Variants in ANKRD17 observed in about 807,000 individuals in gnomAD.
ANKRD17 encodes the protein ankyrin repeat domain-containing protein 17.
Under a neutral mutation model 229.7 loss-of-function variants are expected in ANKRD17, and 19 were observed. The ratio of observed to expected loss-of-function variants is 0.08; its 90% CI spans 0.06 to 0.12. The LOEUF (loss-of-function observed/expected upper bound fraction) is 0.12. Ranked by LOEUF, ANKRD17 falls within the 10% of genes least tolerant of loss-of-function variation. The probability of loss-of-function intolerance (pLI) is 1.00; values close to 1 mark genes in which losing one functional copy is unlikely to be tolerated. For synonymous variants in ANKRD17, 1,112 were observed against 1,146.1 expected (o/e 0.97, Z 0.60); for missense variants, 2,176 against 3,176.8 (o/e 0.68, Z 7.57).
chr4:73,135,094 T>G (rs1728721986), intron 16 of ANKRD17, 23 bp downstream of exon 16: 21 of 1,590,568 alleles, frequency 1.3e-5, no homozygotes, highest in Non-Finnish European at 1.8e-5. Context: ...GAAAAAACCA[T>G]CTCTCTTAAG....
At chr4:73,077,624 C>T (rs919441527) in intron 31 of ANKRD17, 91 bp from the exon 32 acceptor site, 14 of 1,155,412 alleles carry the variant, frequency 1.2e-5, no homozygotes, top group African/African-American at 1.6e-5. Context: ...CACATTGAAC[C>T]GTAAATTATT....
chr4:73,103,792 T>TA (rs1292026114), intron 24 of ANKRD17, among the ~76,000 whole-genome samples: 1 of 151,638 alleles, frequency 6.6e-6, no homozygotes, highest in East Asian at 1.9e-4. Context: ...TTTTGCTAGA[T>TA]ACTCTCTGTC....
chr4:73,138,292 T>C (rs1729165828), intron 15 of ANKRD17, among the ~76,000 whole-genome samples: 1 of 152,180 alleles, frequency 6.6e-6, no homozygotes. Flanking sequence ...TAATTATTAC[T>C]AGCATTTTTC....
At chr4:73,177,357 T>C in intron 2 of ANKRD17, 23 bp downstream of exon 2, 1 of 1,496,426 alleles carries the variant, frequency 6.7e-7, no homozygotes, top group East Asian at 2.3e-5. Flanking sequence ...CAAGGTAGAC[T>C]TATTACTATG....
chr4:73,117,554 T>G (rs1484829464), intron 22 of ANKRD17, among the ~76,000 whole-genome samples: 1 of 152,072 alleles, frequency 6.6e-6, no homozygotes, highest in Admixed American at 6.5e-5. Flanking sequence ...AACAAAAATA[T>G]AGAGAGTCAA....
At position 73,090,542 on chromosome 4, in the gene ANKRD17, G is replaced by T. The variant is rs1722694797; in HGVS notation, c.6961+125C>A. On this transcript the variant is annotated intron_variant, in intron 29 of 33. Coordinates refer to ENST00000358602, the MANE Select transcript of ANKRD17 (RefSeq NM_032217.5). ...ACTAAACACAAACAACAGCATCTGA[G>T]TTAACTAAATCCAACAATCTTTGTC... 4.1e-6 allele frequency: 5 copies of T among 1,214,968 alleles called. No individual in the cohort carries two copies. In the East Asian group the frequency reaches 1.2e-4, roughly 30 times the overall value. 75.3% of individuals were successfully genotyped at this position (1,214,968 alleles called of 1,614,324 possible). A position where few individuals can be genotyped will look rare whatever the true frequency, so the allele number is the denominator to read the frequency against.
At chr4:73,192,752 C>A (rs1184965386) in intron 1 of ANKRD17, among the ~76,000 whole-genome samples, 1 of 152,112 alleles carries the variant, frequency 6.6e-6, no homozygotes, top group Admixed American at 6.5e-5. Flanking sequence ...GTACATGTAA[C>A]TCATCTGAAA....
chr4:73,172,892 A>G (rs1228630916), intron 2 of ANKRD17, among the ~76,000 whole-genome samples: 4 of 152,234 alleles, frequency 2.6e-5, no homozygotes, highest in Admixed American at 2.0e-4. Flanking sequence ...GGAAGGAAAG[A>G]AGGAAGTTAA....
At chr4:73,169,672 A>C (rs1180670238) in intron 2 of ANKRD17, among the ~76,000 whole-genome samples, 1 of 152,156 alleles carries the variant, frequency 6.6e-6, no homozygotes, top group Admixed American at 6.5e-5. Context: ...GGCATTAAAG[A>C]GGGTAGAAAA....
intron 1 of ANKRD17, among the ~76,000 whole-genome samples, chr4:73,217,063 C>G (rs963847050): frequency 1.3e-5 from 2 of 152,154 alleles, no homozygotes; most frequent in East Asian, 3.8e-4. Context: ...AATTCAGAAC[C>G]AGTAAAGGGC....
chr4:73,085,895 G>A (rs1279314137), intron 29 of ANKRD17, among the ~76,000 whole-genome samples: 2 of 152,058 alleles, frequency 1.3e-5, no homozygotes, highest in Non-Finnish European at 2.9e-5. Context: ...GGAGGCTGAG[G>A]TGGGAGGATT....
chr4:73,079,468 C>T (rs1035395961), intron 30 of ANKRD17, among the ~76,000 whole-genome samples: 3 of 152,122 alleles, frequency 2.0e-5, no homozygotes, highest in Non-Finnish European at 4.4e-5. Context: ...TCATAACTCA[C>T]TGCAGCCTCA....
Position 73,258,678 on chromosome 4 carries a change from A to T in ANKRD17, c.-10T>A. On this transcript the variant is annotated 5_prime_UTR_variant, in exon 1 of 34. Transcript: ENST00000358602. ...CCGTCGCCTTCTCCATCCCCAGGGA[A>T]AGAGGGAGGGCGCGGACGGGGGAGG... 1.4e-6 allele frequency: 2 copies of T among 1,462,474 alleles called. No homozygotes were observed. Among genetic ancestry groups the T allele is most frequent in the Non-Finnish European group, 1.8e-6 (2 of 1,116,730 alleles). The allele number at this position is 1,462,474 out of a possible 1,614,324, so 90.6% of individuals were successfully genotyped here.
chr4:73,109,758 G>C lies in ANKRD17; in HGVS notation c.4401+4034C>G, dbSNP rs180840126. 2.0e-3 allele frequency among the ~76,000 whole-genome samples: 304 copies of C among 152,042 alleles called. 6 individuals carry two copies. The highest frequency in any genetic ancestry group is 0.018 in the Admixed American group (282 of 15,266). The stretch of plus-strand genomic sequence containing the variant: ...TTAGTCATAAAGATTGTTTTTTCTC[G>C]ACACGTTTAGTTACTGAGGTTCATG... On this transcript the variant is annotated intron_variant, in intron 24 of 33. Transcript: ENST00000358602.
intron 30 of ANKRD17, chr4:73,080,601 C>G (rs930326512): frequency 6.6e-6 from 1 of 152,146 alleles, no homozygotes; most frequent in South Asian, 2.1e-4. Context: ...ACCTAAACCT[C>G]TAGGAAAAAT....
At chr4:73,097,995 C>G in intron 26 of ANKRD17, 78 bp downstream of exon 26, 2 of 1,399,524 alleles carry the variant, frequency 1.4e-6, no homozygotes, top group Non-Finnish European at 1.9e-6. Flanking sequence ...TGCAAATTTA[C>G]TTTCTTTACC....
At chr4:73,234,775 T>G (rs1743354105) in intron 1 of ANKRD17, among the ~76,000 whole-genome samples, 1 of 152,192 alleles carries the variant, frequency 6.6e-6, no homozygotes, top group Non-Finnish European at 1.5e-5. Flanking sequence ...AGAGAATGAT[T>G]CTGAAACTTC....
In ANKRD17 at chr4:73,258,321, G is replaced by C; in HGVS notation, c.348C>G (p.Ser116Arg). 3.1e-6 allele frequency: 5 copies of C among 1,613,546 alleles called. No individual in the cohort carries two copies. Among genetic ancestry groups the C allele is most frequent in the Non-Finnish European group, 4.2e-6 (5 of 1,179,950 alleles). The part of the protein sequence containing the change: ...GGGGGTSSNN[S>R]EEEEDDDDEE... The stretch of plus-strand genomic sequence containing the variant: ...CGTCGTCGTCGTCCTCTTCTTCCTC[G>C]CTGTTGTTACTGCTGGTGCCGCCGC... Residue 116 changes from serine to arginine, a missense_variant, in exon 1 of 34, where the codon AGC (serine) becomes AGG (arginine). Ser to Arg is a moderately radical substitution (Grantham distance 110). Around this residue, in one of 18 missense-constraint regions of ANKRD17, gnomAD observed 196 missense variants for 190.0 expected, o/e 1.03. Transcript: ENST00000358602.
At chr4:73,254,585 T>C (rs1745295689) in intron 1 of ANKRD17, among the ~76,000 whole-genome samples, 2 of 152,064 alleles carry the variant, frequency 1.3e-5, no homozygotes, top group East Asian at 1.9e-4. Context: ...CTGGCCAACA[T>C]GGTGAAACCC....
Sources: gnomAD v4.1 joint callset for allele counts (sites outside exome capture counted in the v4.1 genomes callset) on GRCh38, gnomAD v4.1.1 for gene constraint, gnomAD v4.1.1 regional missense constraint, MANE v1.5 for transcripts, NCBI Gene and HGNC (gene_info 2026-07-23, HGNC 2026-07-21) for gene names.